The following FIP1L1 variants were observed in gnomAD, a reference collection of about 807,000 sequenced individuals.
FIP1L1 encodes the protein pre-mRNA 3'-end-processing factor FIP1.
FIP1L1 carries 21 observed loss-of-function variants against 84.6 expected under a neutral mutation model. That is an observed-to-expected ratio of 0.25 (90% CI 0.18 to 0.36). The LOEUF is 0.36. Among genes scored for constraint, FIP1L1 ranks in the 10% least tolerant of loss-of-function variants. The pLI is 1.00. For missense variants in FIP1L1, 526 were observed against 751.1 expected, an observed-to-expected ratio of 0.70 and a Z score of 3.50; for synonymous variants, 263 against 242.3, an observed-to-expected ratio of 1.09 and a Z score of -0.80.
At chr4:53,387,211 C>A (rs1189991375) in intron 5 of FIP1L1, among the ~76,000 whole-genome samples, 3 of 152,096 alleles carry the variant, frequency 2.0e-5, no homozygotes, top group Non-Finnish European at 4.4e-5. Flanking sequence ...ACCTGTAGTC[C>A]CATGGACTTG....
intron 11 of FIP1L1, among the ~76,000 whole-genome samples, chr4:53,425,077 A>G (rs1299065910): frequency 1.3e-5 from 2 of 152,126 alleles, no homozygotes; most frequent in African/African-American, 4.8e-5. Flanking sequence ...GAACTGAAAT[A>G]TAGATGAAGA....
chr4:53,392,979 G>A (rs540591736), intron 9 of FIP1L1, among the ~76,000 whole-genome samples: 5 of 152,268 alleles, frequency 3.3e-5, no homozygotes, highest in Non-Finnish European at 5.9e-5. Flanking sequence ...GGAATAGGGT[G>A]TGTATTAAGA....
intron 15 of FIP1L1, among the ~76,000 whole-genome samples, chr4:53,446,387 T>G (rs1360902317): frequency 6.6e-6 from 1 of 152,128 alleles, no homozygotes; most frequent in Non-Finnish European, 1.5e-5. Flanking sequence ...CCATCAAATG[T>G]TACCTGTTAT....
At chr4:53,428,611 C>T (rs559386328) in intron 13 of FIP1L1, among the ~76,000 whole-genome samples, 45 of 152,164 alleles carry the variant, frequency 3.0e-4, no homozygotes, top group African/African-American at 1.0e-3. Flanking sequence ...TTCTGTATAC[C>T]GGTTTCCTTT....
chr4:53,409,790 G>A (rs1191960783), intron 10 of FIP1L1, among the ~76,000 whole-genome samples: 1 of 152,232 alleles, frequency 6.6e-6, no homozygotes, highest in Non-Finnish European at 1.5e-5. Flanking sequence ...AGGACCCTCC[G>A]ACCCAGGTGC....
intron 11 of FIP1L1, among the ~76,000 whole-genome samples, chr4:53,420,429 CAA>C (rs35693633): frequency 3.6e-4 from 33 of 91,616 alleles, no homozygotes; most frequent in African/African-American, 1.4e-3. Context: ...AACTCCATCT[CAA>C]AAAAAAAAAA....
chr4:53,415,535 T>TTG (rs1759123324), intron 11 of FIP1L1, among the ~76,000 whole-genome samples: 1 of 151,508 alleles, frequency 6.6e-6, no homozygotes, highest in South Asian at 2.1e-4. Context: ...TTTTGTTTTT[T>TTG]TTTTTGCTTT....
At chr4:53,426,242 AGATTTTGAAATGTTTG>A (rs986023616) in intron 12 of FIP1L1, among the ~76,000 whole-genome samples, 6 of 152,166 alleles carry the variant, frequency 3.9e-5, no homozygotes, top group South Asian at 2.1e-4. Flanking sequence ...GAAGTGTATC[AGATTTTGAAATGTTTG>A]GATTTTGAAA....
intron 13 of FIP1L1, among the ~76,000 whole-genome samples, chr4:53,437,963 G>A (rs1208643742): frequency 6.6e-6 from 1 of 152,022 alleles, no homozygotes; most frequent in East Asian, 1.9e-4. Flanking sequence ...CTGACTTTGT[G>A]ATCTACCTGC....
intron 13 of FIP1L1, among the ~76,000 whole-genome samples, chr4:53,435,510 A>G (rs1768739251): frequency 6.6e-6 from 1 of 152,224 alleles, no homozygotes; most frequent in Non-Finnish European, 1.5e-5. Flanking sequence ...TGTGTAAGAT[A>G]GAAGTTTATC....
chr4:53,434,862 C>T (rs1321995088), intron 13 of FIP1L1, among the ~76,000 whole-genome samples: 1 of 152,218 alleles, frequency 6.6e-6, no homozygotes, highest in Non-Finnish European at 1.5e-5. Flanking sequence ...GTTGAGAACA[C>T]TGCTTTGGCA....
intron 5 of FIP1L1, among the ~76,000 whole-genome samples, chr4:53,389,106 A>G (rs1232401862): frequency 1.3e-5 from 2 of 152,234 alleles, no homozygotes; most frequent in African/African-American, 4.8e-5. Flanking sequence ...CCTCTTGGTC[A>G]TTAACCACCC....
intron 10 of FIP1L1, among the ~76,000 whole-genome samples, chr4:53,408,049 G>C (rs1380414860): frequency 6.6e-6 from 1 of 152,178 alleles, no homozygotes; most frequent in Middle Eastern, 3.2e-3. Flanking sequence ...GATGTTAGCT[G>C]GTTATTTTGC....
At chr4:53,435,467 T>TA (rs1486772248) in intron 13 of FIP1L1, among the ~76,000 whole-genome samples, 2 of 152,196 alleles carry the variant, frequency 1.3e-5, no homozygotes, top group Non-Finnish European at 2.9e-5. Context: ...AGTTCTCTAT[T>TA]AAAAAACATA....
At chr4:53,405,832 T>A (rs1371506587) in intron 10 of FIP1L1, among the ~76,000 whole-genome samples, 5 of 151,756 alleles carry the variant, frequency 3.3e-5, no homozygotes, top group Non-Finnish European at 7.4e-5. Flanking sequence ...TGTATAAGAA[T>A]GCTTGTGATT....
intron 16 of FIP1L1, among the ~76,000 whole-genome samples, chr4:53,456,774 T>A (rs2150456516): frequency 6.6e-6 from 1 of 152,194 alleles, no homozygotes; most frequent in East Asian, 1.9e-4. Context: ...GGAGGGTCTT[T>A]ATATTTTGTG....
intron 9 of FIP1L1, among the ~76,000 whole-genome samples, chr4:53,394,574 C>G (rs746903968): frequency 6.6e-6 from 1 of 152,136 alleles, no homozygotes; most frequent in South Asian, 2.1e-4. Context: ...AGGGTCCTGA[C>G]ATGATAATCA....
At chr4:53,394,569 C>T (rs1228148821) in intron 9 of FIP1L1, among the ~76,000 whole-genome samples, 1 of 152,042 alleles carries the variant, frequency 6.6e-6, no homozygotes, top group Non-Finnish European at 1.5e-5. Context: ...TTTTGAGGGT[C>T]CTGACATGAT....
rs577329956 is a variant in FIP1L1 at position 53,440,913 on chromosome 4, A to C, written c.1175-1740A>C. 1.2e-5 allele frequency: 3 copies of C among 246,640 alleles called. No homozygotes were observed. In the Admixed American group the frequency reaches 1.5e-4, roughly 13 times the overall value. The allele number at this position is 246,640 out of a possible 1,614,324, so 15.3% of individuals were successfully genotyped here. On this transcript the variant is annotated intron_variant, in intron 13 of 17. Coordinates refer to ENST00000337488, the MANE Select transcript of FIP1L1 (RefSeq NM_030917.4). ...TTCTTAAAAATGTCTTTACAGACCA[A>C]TGAATTTTTTATGTAATATAGTGAC...
Sources: allele counts gnomAD v4.1 joint callset (sites outside exome capture counted in the v4.1 genomes callset), GRCh38; gene constraint gnomAD v4.1.1; transcripts MANE v1.5; gene names NCBI Gene and HGNC (gene_info 2026-07-23, HGNC 2026-07-21).